SMYD3: variants seen among roughly 807,000 people sequenced by gnomAD.
SMYD3 encodes the protein histone-lysine N-methyltransferase SMYD3.
Under a neutral mutation model 57.7 loss-of-function variants are expected in SMYD3, and 36 were observed. That is an observed-to-expected ratio of 0.62 (90% CI 0.48 to 0.82). The LOEUF (loss-of-function observed/expected upper bound fraction) is 0.82, where lower values mean the gene tolerates loss of function less well. SMYD3 is among the 40% of genes least tolerant of loss of function. The pLI is 0.00. For synonymous variants in SMYD3, 211 were observed against 195.0 expected, an observed-to-expected ratio of 1.08 and a Z score of -0.68; for missense variants, 515 against 538.8, an observed-to-expected ratio of 0.96 and a Z score of 0.44.
intron 5 of SMYD3, among the ~76,000 whole-genome samples, chr1:245,998,758 G>T: frequency 6.6e-6 from 1 of 152,022 alleles, no homozygotes; most frequent in East Asian, 1.9e-4. Flanking sequence ...ACATCCCAAG[G>T]GTCCGTCATC....
At chr1:246,091,492 CAAAA>C (rs35295300) in intron 5 of SMYD3, among the ~76,000 whole-genome samples, 4 of 124,376 alleles carry the variant, frequency 3.2e-5, no homozygotes, top group African/African-American at 3.4e-5. Flanking sequence ...AACCTCAGCA[CAAAA>C]AAAAAAAAAA....
At chr1:245,938,940 G>A (rs1420624255) in intron 5 of SMYD3, among the ~76,000 whole-genome samples, 1 of 152,076 alleles carries the variant, frequency 6.6e-6, no homozygotes, top group African/African-American at 2.4e-5. Flanking sequence ...GAAAAGAGGA[G>A]TTCAAGACCA....
intron 5 of SMYD3, among the ~76,000 whole-genome samples, chr1:246,172,338 A>T (rs1185884946): frequency 7.3e-4 from 94 of 128,632 alleles, no homozygotes; most frequent in African/African-American, 9.2e-4. Flanking sequence ...CACTCACTGT[A>T]CTCTACTGTA....
chr1:246,469,270 T>G (rs538135641), intron 1 of SMYD3, among the ~76,000 whole-genome samples: 2 of 152,326 alleles, frequency 1.3e-5, no homozygotes, highest in Admixed American at 6.5e-5. Flanking sequence ...AATCTTGGTC[T>G]TCTTCCATTC....
intron 7 of SMYD3, among the ~76,000 whole-genome samples, chr1:245,917,642 GTC>G (rs1176748317): frequency 2.6e-5 from 4 of 152,216 alleles, no homozygotes; most frequent in Middle Eastern, 3.4e-3. Flanking sequence ...TCTCGTTCAG[GTC>G]TAACCTCAAT....
intron 2 of SMYD3, among the ~76,000 whole-genome samples, chr1:246,352,439 T>C (rs1426845840): frequency 6.6e-6 from 1 of 152,246 alleles, no homozygotes; most frequent in Admixed American, 6.5e-5. Context: ...TCATTTAATT[T>C]TGCGTAGTTT....
At chr1:245,762,624 C>G (rs1467692560) in intron 11 of SMYD3, among the ~76,000 whole-genome samples, 1 of 152,220 alleles carries the variant, frequency 6.6e-6, no homozygotes, top group East Asian at 1.9e-4. Flanking sequence ...GCTGAGTGCC[C>G]TCAGGGAATC....
intron 1 of SMYD3, among the ~76,000 whole-genome samples, chr1:246,481,851 G>T (rs1368461019): frequency 6.6e-6 from 1 of 150,768 alleles, no homozygotes; most frequent in Non-Finnish European, 1.5e-5. Flanking sequence ...TAATACAGGG[G>T]TTCAAAAAAA....
intron 5 of SMYD3, among the ~76,000 whole-genome samples, chr1:246,040,722 T>G (rs1011663240): frequency 3.3e-4 from 50 of 152,338 alleles, no homozygotes; most frequent in African/African-American, 1.2e-3. Context: ...TAAAATATTC[T>G]GAAAACTCCT....
chr1:246,114,524 C>G (rs1319275116), intron 5 of SMYD3, among the ~76,000 whole-genome samples: 3 of 152,220 alleles, frequency 2.0e-5, no homozygotes, highest in Non-Finnish European at 4.4e-5. Context: ...CTGCACATAA[C>G]CCCTCCAGCA....
At chr1:246,180,601 CA>C (rs1308391623) in intron 5 of SMYD3, among the ~76,000 whole-genome samples, 4 of 149,824 alleles carry the variant, frequency 2.7e-5, no homozygotes, top group African/African-American at 7.4e-5. Flanking sequence ...ACTAAAAATA[CA>C]AAAAAAGTTA....
At chr1:246,159,325 G>A (rs1442513345) in intron 5 of SMYD3, among the ~76,000 whole-genome samples, 2 of 152,092 alleles carry the variant, frequency 1.3e-5, no homozygotes, top group African/African-American at 4.8e-5. Context: ...AGCTCACCGG[G>A]GGCTGCTCTA....
At chr1:246,299,357 G>A (rs141165297) in intron 5 of SMYD3, among the ~76,000 whole-genome samples, 2 of 152,190 alleles carry the variant, frequency 1.3e-5, no homozygotes, top group East Asian at 3.9e-4. Context: ...TGTTGGTGAG[G>A]TTGCAGAGAA....
chr1:245,855,291 A>T (rs1251920028), intron 10 of SMYD3, among the ~76,000 whole-genome samples: 2 of 149,118 alleles, frequency 1.3e-5, no homozygotes, highest in South Asian at 4.3e-4. Flanking sequence ...CAATGTGCTC[A>T]ATTTTGTATT....
chr1:246,011,305 T>G (rs887956554), intron 5 of SMYD3, among the ~76,000 whole-genome samples: 4 of 152,172 alleles, frequency 2.6e-5, no homozygotes, highest in African/African-American at 9.7e-5. Context: ...CTTTTACTAT[T>G]CTGCCTGAGC....
chr1:246,123,980 G>A (rs372404836), intron 5 of SMYD3, among the ~76,000 whole-genome samples: 2 of 152,074 alleles, frequency 1.3e-5, no homozygotes, highest in South Asian at 2.1e-4. Flanking sequence ...CTATATCTAC[G>A]AATATACCAC....
At chr1:246,356,866 A>G (rs2065917728) in intron 1 of SMYD3, among the ~76,000 whole-genome samples, 1 of 152,268 alleles carries the variant, frequency 6.6e-6, no homozygotes, top group African/African-American at 2.4e-5. Flanking sequence ...GTTTGGAAAC[A>G]TTATTTGAGG....
chr1:246,215,088 A>C (rs969539163), intron 5 of SMYD3, among the ~76,000 whole-genome samples: 55 of 152,152 alleles, frequency 3.6e-4, no homozygotes, highest in African/African-American at 1.3e-3. Flanking sequence ...GGCCACACGC[A>C]TGTGGAAGAG....
At chr1:245,829,781 A>G (rs1553336395) in intron 10 of SMYD3, among the ~76,000 whole-genome samples, 1 of 152,234 alleles carries the variant, frequency 6.6e-6, no homozygotes, top group Non-Finnish European at 1.5e-5. Context: ...TTCATAAAAT[A>G]TTACTTGGCA....
Sources: gnomAD v4.1 joint callset for allele counts (sites outside exome capture counted in the v4.1 genomes callset) on GRCh38, gnomAD v4.1.1 for gene constraint, MANE v1.5 for transcripts, NCBI Gene and HGNC (gene_info 2026-07-23, HGNC 2026-07-21) for gene names.